Variants in SCUBE2 observed in about 807,000 individuals in gnomAD.
The protein encoded by SCUBE2 is signal peptide, CUB domain and EGF like domain containing 2.
SCUBE2 carries 114 observed loss-of-function variants against 125.9 expected under a neutral mutation model. The ratio of observed to expected loss-of-function variants is 0.91; its 90% CI spans 0.78 to 1.06. SCUBE2 has a LOEUF of 1.06. Ranked by LOEUF, SCUBE2 falls within the 50% of genes least tolerant of loss-of-function variation. SCUBE2 has a pLI of 0.00. For missense variants in SCUBE2, 1,255 were observed against 1,301.8 expected (o/e 0.96, Z 0.55); for synonymous variants, 459 against 492.9 (o/e 0.93, Z 0.91).
intron 21 of SCUBE2, among the ~76,000 whole-genome samples, chr11:9,022,297 A>T (rs972459677): frequency 6.6e-6 from 1 of 152,058 alleles, no homozygotes; most frequent in Non-Finnish European, 1.5e-5. Context: ...TTCCTACATG[A>T]TACATTTTTC....
In SCUBE2 at chr11:9,019,573, G is replaced by A. The variant is rs1470959034; in HGVS notation, c.*1472C>T. On this transcript the variant is annotated 3_prime_UTR_variant, in exon 23 of 23. Coordinates refer to ENST00000649792, the MANE Select transcript of SCUBE2 (RefSeq NM_001367977.2). The stretch of plus-strand genomic sequence containing the variant: ...GAGAAATCTGAAAATGAATATTTAG[G>A]GCCCATCCAAATAAAGAAGTTTGAT... Among the ~76,000 whole-genome samples, 1 of 151,226 alleles carries A rather than the reference G, an allele frequency of 6.6e-6. No homozygotes were observed. The highest frequency in any genetic ancestry group is 6.6e-5 in the Admixed American group (1 of 15,174).
chr11:9,049,038 C>T lies in SCUBE2; in HGVS notation c.1640-940G>A, dbSNP rs75533788. Among the ~76,000 whole-genome samples, 1,522 of 152,222 alleles carry T rather than the reference C, an allele frequency of 1.0e-2. 26 individuals carry two copies. Among genetic ancestry groups the T allele is most frequent in the African/African-American group, 0.035 (1,470 of 41,524 alleles). ...AGATTCTCATTTTAAATCTTTTTCC[C>T]TTTCGATGTTTCCATATATATTTTT... On this transcript the variant is annotated intron_variant, in intron 14 of 22. Coordinates refer to ENST00000649792, the MANE Select transcript of SCUBE2 (RefSeq NM_001367977.2).
intron 2 of SCUBE2, among the ~76,000 whole-genome samples, chr11:9,080,857 C>T (rs1348373512): frequency 1.3e-5 from 2 of 151,808 alleles, no homozygotes; most frequent in Non-Finnish European, 2.9e-5. Context: ...AAATCACACA[C>T]CTTATAAAGA....
At chr11:9,025,098 A>T (rs1290253865) in intron 21 of SCUBE2, among the ~76,000 whole-genome samples, 1 of 152,200 alleles carries the variant, frequency 6.6e-6, no homozygotes, top group Non-Finnish European at 1.5e-5. Flanking sequence ...TCTCAGAGCT[A>T]GGTAGAGCCC....
intron 19 of SCUBE2, 108 bp downstream of exon 19, chr11:9,029,776 T>C (rs2135120576): frequency 2.5e-6 from 3 of 1,203,888 alleles, no homozygotes; most frequent in Non-Finnish European, 3.6e-6. Flanking sequence ...AACATCTACA[T>C]GGTTCTGAGT....
At chr11:9,077,135 T>A (rs1464723337) in intron 3 of SCUBE2, among the ~76,000 whole-genome samples, 1 of 152,218 alleles carries the variant, frequency 6.6e-6, no homozygotes, top group East Asian at 1.9e-4. Flanking sequence ...CAAATATCTA[T>A]CACTAAGCTG....
intron 2 of SCUBE2, among the ~76,000 whole-genome samples, chr11:9,084,403 T>A (rs182524000): frequency 5.3e-5 from 8 of 152,146 alleles, no homozygotes; most frequent in African/African-American, 1.9e-4. Context: ...GAGACACACA[T>A]CACAGTAATA....
chr11:9,066,408 G>A (rs778608236), intron 6 of SCUBE2, among the ~76,000 whole-genome samples: 10 of 152,136 alleles, frequency 6.6e-5, no homozygotes, highest in Non-Finnish European at 1.5e-4. Flanking sequence ...CTCTAACTTC[G>A]TGCTGCCCTG....
chr11:9,079,426 A>G lies in SCUBE2; in HGVS notation c.340T>C (p.Phe114Leu), dbSNP rs569754226. 6.2e-7 allele frequency: 1 copy of G among 1,614,200 alleles called. No homozygotes were observed. The highest frequency in any genetic ancestry group is 1.3e-5 in the African/African-American group (1 of 75,070). The change falls in exon 3 of 23, where the codon TTT becomes CTT. Residue 114 changes from phenylalanine (F) to leucine (L), a missense_variant. Around this residue, in one of 3 missense-constraint regions of SCUBE2, gnomAD observed 362 missense variants for 323.0 expected, o/e 1.12. Transcript: ENST00000649792. Reference sequence around the variant, plus strand: ...TCATGAGCCAACATGAAGCCATCAAAACAAGTGCAACGATAATTGCCTGGA... The same window carrying G: ...TCATGAGCCAACATGAAGCCATCAAGACAAGTGCAACGATAATTGCCTGGA... ...NIPGNYRCTC[F>L]DGFMLAHDGH...
intron 2 of SCUBE2, among the ~76,000 whole-genome samples, chr11:9,081,109 G>A (rs1861604363): frequency 6.6e-6 from 1 of 152,228 alleles, no homozygotes; most frequent in Non-Finnish European, 1.5e-5. Flanking sequence ...TGACAAGGAT[G>A]TGGATAAATG....
chr11:9,075,792 G>A (rs1193677056), intron 3 of SCUBE2, among the ~76,000 whole-genome samples: 8 of 152,250 alleles, frequency 5.3e-5, no homozygotes, highest in Non-Finnish European at 8.8e-5. Flanking sequence ...GGCTGCCAGG[G>A]ATGCTGGGAA....
At chr11:9,058,106 C>A (rs763742635) in intron 9 of SCUBE2, among the ~76,000 whole-genome samples, 4 of 152,166 alleles carry the variant, frequency 2.6e-5, no homozygotes, top group African/African-American at 4.8e-5. Context: ...CATCTCCTCC[C>A]CACAAGCCCT....
At chr11:9,079,081 T>A (rs1326817907) in intron 3 of SCUBE2, among the ~76,000 whole-genome samples, 1 of 151,520 alleles carries the variant, frequency 6.6e-6, no homozygotes, top group Non-Finnish European at 1.5e-5. Context: ...AAAAAATGGT[T>A]ATAAGTCAGG....
At chr11:9,088,449 TGA>T (rs1421504856) in intron 2 of SCUBE2, among the ~76,000 whole-genome samples, 2 of 152,234 alleles carry the variant, frequency 1.3e-5, no homozygotes, top group African/African-American at 4.8e-5. Flanking sequence ...TTCAGTGAGC[TGA>T]GATCGCGCCA....
chr11:9,045,502 T>C (rs1462356345), intron 16 of SCUBE2, among the ~76,000 whole-genome samples: 4 of 152,046 alleles, frequency 2.6e-5, no homozygotes, highest in Non-Finnish European at 1.5e-5. Flanking sequence ...GGAACTATCC[T>C]AAGCTTGTCT....
Position 9,033,760 on chromosome 11 carries a change from C to A in SCUBE2, c.2039G>T (p.Arg680Leu). ...ATTTGGACATAAAATGCAGCGTTCT[C>A]GTGCTCCATCATAATAGGTCCCAGC... ...CRAGTYYDGA[R>L]ERCILCPNGT... The change falls in exon 17 of 23, where the codon CGA becomes CTA. Residue 680 changes from arginine to leucine, a missense_variant. Transcript: ENST00000649792. The A allele has an allele frequency of 3.7e-6, 6 of 1,614,108 alleles. No homozygotes were observed. The highest frequency in any genetic ancestry group is 5.1e-6 in the Non-Finnish European group (6 of 1,180,010).
chr11:9,044,407 C>T (rs1441820959), intron 16 of SCUBE2, among the ~76,000 whole-genome samples: 1 of 152,010 alleles, frequency 6.6e-6, no homozygotes, highest in East Asian at 1.9e-4. Context: ...TGCTACCAAC[C>T]AACATAGTGA....
Position 9,025,842 on chromosome 11 carries a change from G to T in SCUBE2, c.2714C>A (p.Ser905Tyr), listed in dbSNP as rs554533855. 8 of 1,613,958 alleles carry T rather than the reference G, an allele frequency of 5.0e-6. No homozygotes were observed. The Admixed American group carries it at 5.0e-5, about 10-fold the overall frequency. ...LVMRKTSSSNSVTTYETCQTY... is the reference protein window; with the variant it reads ...LVMRKTSSSNYVTTYETCQTY... ...CTGGCAGGTTTCATATGTTGTCACA[G>T]AATTGGATGAAGCTGCCAAGGGAAG... Residue 905 changes from serine (S) to tyrosine (Y), a missense_variant, in exon 21 of 23, where the codon TCT (serine) becomes TAT (tyrosine). Coordinates refer to ENST00000649792, the MANE Select transcript of SCUBE2 (RefSeq NM_001367977.2).
intron 3 of SCUBE2, among the ~76,000 whole-genome samples, chr11:9,078,844 G>A (rs1487474412): frequency 6.6e-6 from 1 of 152,198 alleles, no homozygotes; most frequent in Non-Finnish European, 1.5e-5. Context: ...AGGAATGAAT[G>A]TAAACAACAC....
Sources: gnomAD v4.1 joint callset for allele counts (sites outside exome capture counted in the v4.1 genomes callset) on GRCh38, gnomAD v4.1.1 for gene constraint, gnomAD v4.1.1 regional missense constraint, MANE v1.5 for transcripts, NCBI Gene and HGNC (gene_info 2026-07-23, HGNC 2026-07-21) for gene names.